SAXO1: variants seen among roughly 807,000 people sequenced by gnomAD.
SAXO1 encodes the protein stabilizer of axonemal microtubules 1, also known as 4930500O09Rik.
In SAXO1, 21 loss-of-function variants were observed where a neutral mutation model predicts 17.5. The observed-to-expected ratio is 1.20, with a 90% CI of 0.85 to 1.72. The LOEUF (loss-of-function observed/expected upper bound fraction) is 1.72. Among genes scored for constraint, SAXO1 ranks in the 40% most tolerant of loss-of-function variants. The probability of loss-of-function intolerance (pLI) is 0.00; values close to 1 mark genes in which losing one functional copy is unlikely to be tolerated. For synonymous variants in SAXO1, 274 were observed against 216.5 expected (o/e 1.27, Z -2.33); for missense variants, 843 against 596.0 (o/e 1.41, Z -4.32).
chr9:19,022,291 A>G (rs1835273306), intron 1 of SAXO1, among the ~76,000 whole-genome samples: 1 of 152,194 alleles, frequency 6.6e-6, no homozygotes, highest in Non-Finnish European at 1.5e-5. Flanking sequence ...TGAAGGAACA[A>G]ACTCTGGACA....
chr9:18,949,041 A>C (rs10963861), intron 2 of SAXO1, among the ~76,000 whole-genome samples: 11,972 of 152,186 alleles, frequency 0.079, 677 homozygotes, highest in African/African-American at 0.17. Context: ...AATGCTCAGA[A>C]ATGGTTCACA....
chr9:18,932,931 G>T (rs914579591), intron 3 of SAXO1, among the ~76,000 whole-genome samples: 1 of 152,070 alleles, frequency 6.6e-6, no homozygotes, highest in Non-Finnish European at 1.5e-5. Flanking sequence ...TGGATTCCTT[G>T]GTGTTATCTG....
At chr9:19,021,810 T>C (rs1835244343) in intron 1 of SAXO1, among the ~76,000 whole-genome samples, 2 of 152,072 alleles carry the variant, frequency 1.3e-5, no homozygotes, top group African/African-American at 4.8e-5. Context: ...AGCTAAAGCA[T>C]TGTAAACGCA....
intron 1 of SAXO1, among the ~76,000 whole-genome samples, chr9:18,975,671 G>A (rs1432743316): frequency 1.3e-5 from 2 of 152,156 alleles, no homozygotes; most frequent in East Asian, 1.9e-4. Flanking sequence ...AAATGAGAGC[G>A]TACAAATTCA....
intron 1 of SAXO1, among the ~76,000 whole-genome samples, chr9:19,042,330 G>A (rs536750493): frequency 2.3e-4 from 35 of 152,276 alleles, no homozygotes; most frequent in Middle Eastern, 6.8e-3. Context: ...GGGAACCGCT[G>A]TACACTGTTG....
intron 1 of SAXO1, among the ~76,000 whole-genome samples, chr9:18,957,745 A>G (rs1158224001): frequency 6.6e-6 from 1 of 152,126 alleles, no homozygotes; most frequent in Admixed American, 6.6e-5. Context: ...GGCCTTCTCA[A>G]AGAAGGATCT....
chr9:18,943,340 C>T (rs1831656036), intron 2 of SAXO1, among the ~76,000 whole-genome samples: 1 of 152,198 alleles, frequency 6.6e-6, no homozygotes. Flanking sequence ...CCTGAAGTGT[C>T]TGGAAGCTGA....
intron 1 of SAXO1, among the ~76,000 whole-genome samples, chr9:18,956,179 G>A (rs1379067187): frequency 6.8e-6 from 1 of 147,908 alleles, no homozygotes; most frequent in Admixed American, 6.8e-5. Context: ...TCAAACTCCT[G>A]GGCTCAAGCT....
chr9:19,003,420 G>T (rs984621163), intron 1 of SAXO1, among the ~76,000 whole-genome samples: 3 of 152,244 alleles, frequency 2.0e-5, no homozygotes, highest in Middle Eastern at 6.8e-3. Flanking sequence ...AACCAAAAAA[G>T]AGCCCACATA....
intron 1 of SAXO1, among the ~76,000 whole-genome samples, chr9:18,979,224 C>G (rs1331817766): frequency 6.6e-6 from 1 of 152,168 alleles, no homozygotes; most frequent in Admixed American, 6.5e-5. Context: ...AAATAGATTT[C>G]CCAATTAACT....
chr9:18,985,062 C>A (rs1164477324), intron 1 of SAXO1, among the ~76,000 whole-genome samples: 5 of 151,590 alleles, frequency 3.3e-5, no homozygotes, highest in Non-Finnish European at 2.9e-5. Context: ...AAATATTTGC[C>A]CTAATTTCAA....
chr9:19,013,735 C>A (rs10757019), intron 1 of SAXO1, among the ~76,000 whole-genome samples: 1 of 151,360 alleles, frequency 6.6e-6, no homozygotes, highest in African/African-American at 2.4e-5. Context: ...TTAGTGGAAA[C>A]GGGTTTTCAC....
In SAXO1 at chr9:18,928,187, G is replaced by A. The variant is rs1830847503; in HGVS notation, c.1290C>T (p.Tyr430=). ...CLASYPEPPG[Y]TFEEVDALGH... is the part of the protein sequence containing the mutation. ...CCAAAGCATCCACTTCCTCAAAGGT[G>A]TAGCCAGGAGGCTCAGGATATGAAG... is the stretch of plus-strand genomic sequence containing the variant. Residue 430 remains tyrosine (Y), a synonymous_variant, in exon 4 of 4, where the codon TAC becomes TAT. Transcript: ENST00000380534. 1.9e-6 allele frequency: 3 copies of A among 1,614,200 alleles called. No homozygotes were observed. Among genetic ancestry groups the A allele is most frequent in the South Asian group, 2.2e-5 (2 of 91,078 alleles).
chr9:18,945,552 AG>A (rs1245649496), intron 2 of SAXO1, among the ~76,000 whole-genome samples: 3 of 152,198 alleles, frequency 2.0e-5, no homozygotes, highest in Non-Finnish European at 2.9e-5. Context: ...GTGCTGCAAA[AG>A]ATCCTTGGCT....
intron 3 of SAXO1, among the ~76,000 whole-genome samples, chr9:18,936,764 A>T (rs1270087195): frequency 6.6e-6 from 1 of 152,242 alleles, no homozygotes; most frequent in Non-Finnish European, 1.5e-5. Context: ...TTAAAAAAAC[A>T]GCTAAACCTA....
intron 3 of SAXO1, among the ~76,000 whole-genome samples, chr9:18,933,553 C>T (rs1831146493): frequency 6.6e-6 from 1 of 152,120 alleles, no homozygotes; most frequent in South Asian, 2.1e-4. Flanking sequence ...TGAAGGATTT[C>T]CTTTAGTACT....
intron 1 of SAXO1, among the ~76,000 whole-genome samples, chr9:19,030,196 G>A (rs1284471358): frequency 2.0e-5 from 3 of 152,028 alleles, no homozygotes; most frequent in African/African-American, 7.3e-5. Context: ...TCAGAAAAGG[G>A]ACATCAGCAG....
At chr9:19,004,322 G>A (rs1834403717) in intron 1 of SAXO1, among the ~76,000 whole-genome samples, 1 of 152,198 alleles carries the variant, frequency 6.6e-6, no homozygotes, top group South Asian at 2.1e-4. Context: ...GGAAGACAGT[G>A]TGGTGATTCC....
chr9:18,946,965 G>A (rs1025198767), intron 2 of SAXO1, among the ~76,000 whole-genome samples: 7 of 152,166 alleles, frequency 4.6e-5, no homozygotes, highest in South Asian at 2.1e-4. Flanking sequence ...AACAGAGGAC[G>A]GGGAGAAAAG....
Sources: allele counts gnomAD v4.1 joint callset (sites outside exome capture counted in the v4.1 genomes callset), GRCh38; gene constraint gnomAD v4.1.1; transcripts MANE v1.5; gene names NCBI Gene and HGNC (gene_info 2026-07-23, HGNC 2026-07-21).